The following GPM6A variants were observed in gnomAD, a reference collection of about 807,000 sequenced individuals.
GPM6A encodes glycoprotein M6A, also known as neuronal membrane glycoprotein M6-a.
Under a neutral mutation model 32.1 loss-of-function variants are expected in GPM6A, and 7 were observed. The ratio of observed to expected loss-of-function variants is 0.22; its 90% CI spans 0.12 to 0.41. The LOEUF (loss-of-function observed/expected upper bound fraction) is 0.41, where lower values mean the gene tolerates loss of function less well. Among genes scored for constraint, GPM6A ranks in the 10% least tolerant of loss-of-function variants. The probability of loss-of-function intolerance (pLI) is 1.00; values close to 1 mark genes in which losing one functional copy is unlikely to be tolerated. For missense variants in GPM6A, 235 were observed against 347.2 expected (o/e 0.68, Z 2.57); for synonymous variants, 130 against 123.4 (o/e 1.05, Z -0.35).
intron 4 of GPM6A, among the ~76,000 whole-genome samples, chr4:175,646,861 A>G (rs1741489543): frequency 6.6e-6 from 1 of 152,138 alleles, no homozygotes; most frequent in Non-Finnish European, 1.5e-5. Context: ...CCTGTTTTAC[A>G]TTCCTTATTC....
At chr4:175,940,264 T>C (rs1053784459) in intron 1 of GPM6A, among the ~76,000 whole-genome samples, 2 of 148,256 alleles carry the variant, frequency 1.3e-5, no homozygotes, top group Non-Finnish European at 3.0e-5. Flanking sequence ...ATCACAACAA[T>C]CTACAATAAA....
Position 175,909,871 on chromosome 4 carries a change from A to T in GPM6A, c.-23+92438T>A, listed in dbSNP as rs183057796. Among the ~76,000 whole-genome samples, 4 of 152,276 alleles carry T rather than the reference A, an allele frequency of 2.6e-5. No homozygotes were observed. In the East Asian group the frequency reaches 7.7e-4, roughly 29 times the overall value. ...TTACAGTACAGTGAGAATGACATCA[A>T]AATATAAATTAAAAAAAGAGAAACC... On this transcript the variant is annotated intron_variant, in intron 1 of 7. Transcript: ENST00000280187.
intron 1 of GPM6A, among the ~76,000 whole-genome samples, chr4:175,833,301 T>C (rs980368888): frequency 4.6e-5 from 7 of 152,258 alleles, no homozygotes; most frequent in African/African-American, 9.6e-5. Context: ...CAGATTTCCA[T>C]AGCAAAAATT....
intron 2 of GPM6A, among the ~76,000 whole-genome samples, chr4:175,695,317 C>T (rs1315808147): frequency 2.0e-5 from 3 of 152,312 alleles, no homozygotes; most frequent in South Asian, 2.1e-4. Context: ...CCACCACCAG[C>T]TTGTCTTTTG....
intron 3 of GPM6A, among the ~76,000 whole-genome samples, chr4:175,655,606 A>G (rs1285983314): frequency 1.3e-5 from 2 of 151,964 alleles, no homozygotes; most frequent in African/African-American, 4.8e-5. Context: ...GATTTTAAAA[A>G]CCATTTTTGT....
chr4:175,653,103 C>G (rs1560853688), intron 3 of GPM6A, among the ~76,000 whole-genome samples: 1 of 152,062 alleles, frequency 6.6e-6, no homozygotes. Context: ...TCAAACAAGT[C>G]AAACTTATTC....
intron 4 of GPM6A, among the ~76,000 whole-genome samples, chr4:175,645,613 C>T (rs1390509187): frequency 7.2e-5 from 11 of 151,998 alleles, no homozygotes; most frequent in Non-Finnish European, 1.5e-4. Flanking sequence ...CCCAGCTCCT[C>T]GGGAGGCTGA....
chr4:175,667,436 T>C (rs1485802578), intron 3 of GPM6A, among the ~76,000 whole-genome samples: 1 of 152,060 alleles, frequency 6.6e-6, no homozygotes, highest in African/African-American at 2.4e-5. Context: ...TCTTAGAAAA[T>C]GTTGTAGTTC....
chr4:175,675,875 G>A (rs1743338499), intron 2 of GPM6A, among the ~76,000 whole-genome samples: 1 of 151,908 alleles, frequency 6.6e-6, no homozygotes, highest in Non-Finnish European at 1.5e-5. Flanking sequence ...TGGTCTGAAG[G>A]GATCTGAACT....
At chr4:175,866,417 CTG>C (rs1001788072) in intron 1 of GPM6A, among the ~76,000 whole-genome samples, 5 of 152,272 alleles carry the variant, frequency 3.3e-5, no homozygotes, top group Non-Finnish European at 7.4e-5. Context: ...CGAAAATCCT[CTG>C]TGCTCCACCT....
chr4:175,894,660 T>C (rs2111481439), intron 1 of GPM6A, among the ~76,000 whole-genome samples: 1 of 152,296 alleles, frequency 6.6e-6, no homozygotes, highest in East Asian at 1.9e-4. Context: ...AGGATTTTAA[T>C]GTTAGTAGTA....
intron 4 of GPM6A, among the ~76,000 whole-genome samples, chr4:175,644,295 G>A (rs1043593979): frequency 5.3e-5 from 8 of 151,418 alleles, no homozygotes; most frequent in African/African-American, 1.5e-4. Flanking sequence ...AACTTGCCCC[G>A]GTATCTTACT....
chr4:175,920,711 C>T (rs540735822), intron 1 of GPM6A, among the ~76,000 whole-genome samples: 12 of 151,756 alleles, frequency 7.9e-5, no homozygotes, highest in African/African-American at 2.4e-4. Context: ...TAGCCAGGTG[C>T]GGTGGTGCGT....
chr4:175,910,377 C>T (rs1036070551), intron 1 of GPM6A, among the ~76,000 whole-genome samples: 3 of 152,100 alleles, frequency 2.0e-5, no homozygotes, highest in Non-Finnish European at 4.4e-5. Flanking sequence ...TGAAGCTGGG[C>T]AGGGGTGCAG....
At chr4:175,782,683 A>T (rs998779917) in intron 1 of GPM6A, among the ~76,000 whole-genome samples, 2 of 152,162 alleles carry the variant, frequency 1.3e-5, no homozygotes, top group Admixed American at 1.3e-4. Context: ...TTACTACCTT[A>T]TACATTTAAA....
chr4:175,945,894 C>T (rs940124337), intron 1 of GPM6A, among the ~76,000 whole-genome samples: 6 of 147,458 alleles, frequency 4.1e-5, no homozygotes, highest in Middle Eastern at 3.5e-3. Context: ...GTGCATATTA[C>T]GTACAACTAA....
At chr4:175,786,493 C>T (rs959239912) in intron 1 of GPM6A, among the ~76,000 whole-genome samples, 34 of 151,666 alleles carry the variant, frequency 2.2e-4, no homozygotes, top group Admixed American at 1.6e-3. Flanking sequence ...ATTTTCATCC[C>T]CATATGGTGT....
intron 1 of GPM6A, among the ~76,000 whole-genome samples, chr4:175,981,026 TGAA>T (rs1398702478): frequency 6.6e-6 from 1 of 152,090 alleles, no homozygotes; most frequent in African/African-American, 2.4e-5. Flanking sequence ...CTGAAGGAAA[TGAA>T]GGGAATAAAA....
chr4:175,752,468 C>T (rs1326275312), intron 1 of GPM6A, among the ~76,000 whole-genome samples: 2 of 152,108 alleles, frequency 1.3e-5, no homozygotes, highest in African/African-American at 2.4e-5. Flanking sequence ...GTCTTTCAAA[C>T]CAGTCACACT....
Sources: gnomAD v4.1 joint callset for allele counts (sites outside exome capture counted in the v4.1 genomes callset) on GRCh38, gnomAD v4.1.1 for gene constraint, MANE v1.5 for transcripts, NCBI Gene and HGNC (gene_info 2026-07-23, HGNC 2026-07-21) for gene names.